The following CTNND2 variants were observed in gnomAD, a reference collection of about 807,000 sequenced individuals.
The protein encoded by CTNND2 is catenin delta-2.
CTNND2 carries 22 observed loss-of-function variants against 144.4 expected under a neutral mutation model. That is an observed-to-expected ratio of 0.15 (90% CI 0.11 to 0.22). The LOEUF (loss-of-function observed/expected upper bound fraction) is 0.22. Among genes scored for constraint, CTNND2 ranks in the 10% least tolerant of loss-of-function variants. The probability of loss-of-function intolerance (pLI) is 1.00; values close to 1 mark genes in which losing one functional copy is unlikely to be tolerated. For missense variants in CTNND2, 1,353 were observed against 1,618.8 expected, an observed-to-expected ratio of 0.84 and a Z score of 2.82; for synonymous variants, 751 against 695.6, an observed-to-expected ratio of 1.08 and a Z score of -1.25.
intron 2 of CTNND2, among the ~76,000 whole-genome samples, chr5:11,717,533 C>T (rs532464172): frequency 1.1e-4 from 16 of 148,990 alleles, no homozygotes; most frequent in African/African-American, 3.2e-4. Context: ...GCTGAGATCA[C>T]GCCACTGCAC....
At chr5:11,107,835 C>A (rs1033304089) in intron 14 of CTNND2, among the ~76,000 whole-genome samples, 1 of 146,430 alleles carries the variant, frequency 6.8e-6, no homozygotes, top group Non-Finnish European at 1.5e-5. Context: ...CAAAGTCTCA[C>A]CAGGAAAGAA....
At chr5:11,347,188 C>A (rs1754887813) in intron 8 of CTNND2, among the ~76,000 whole-genome samples, 1 of 152,160 alleles carries the variant, frequency 6.6e-6, no homozygotes, top group Non-Finnish European at 1.5e-5. Flanking sequence ...AACATTCAAT[C>A]CATGACTGCT....
chr5:10,985,360 A>G (rs1227552073), intron 20 of CTNND2, among the ~76,000 whole-genome samples: 2 of 152,190 alleles, frequency 1.3e-5, no homozygotes, highest in Non-Finnish European at 2.9e-5. Context: ...TGGATTTCTC[A>G]GGGCTCTCCA....
chr5:11,470,977 TA>T lies in CTNND2; in HGVS notation c.288-58909del, dbSNP rs1393602677. ...AAGTATATATATATATATATATATA[TA>T]TATTTTTTTTTTTTTTTTAGATGGA... On this transcript the variant is annotated intron_variant, in intron 3 of 21. Transcript: ENST00000304623. Among the ~76,000 whole-genome samples, 690 of 96,886 alleles carry T rather than the reference TA, an allele frequency of 7.1e-3. 13 individuals carry two copies. The highest frequency in any genetic ancestry group is 0.039 in the African/African-American group (654 of 16,840). 63.6% of individuals were successfully genotyped at this position (96,886 alleles called of 152,430 possible).
chr5:11,585,435 ATATT>A (rs1429969794), intron 2 of CTNND2, among the ~76,000 whole-genome samples: 1 of 151,866 alleles, frequency 6.6e-6, no homozygotes, highest in Non-Finnish European at 1.5e-5. Context: ...CTAACACACT[ATATT>A]TATTTATATA....
At chr5:11,843,121 T>C (rs1043098924) in intron 1 of CTNND2, among the ~76,000 whole-genome samples, 5 of 152,218 alleles carry the variant, frequency 3.3e-5, no homozygotes, top group Admixed American at 3.3e-4. Flanking sequence ...AGATCCATCA[T>C]TGAATAGGAC....
chr5:11,691,199 G>A (rs565741529), intron 2 of CTNND2, among the ~76,000 whole-genome samples: 49 of 152,004 alleles, frequency 3.2e-4, no homozygotes, highest in Non-Finnish European at 4.7e-4. Flanking sequence ...GGGCAACTCC[G>A]TCTCTACTAA....
intron 2 of CTNND2, among the ~76,000 whole-genome samples, chr5:11,604,582 C>T (rs1363849436): frequency 6.6e-6 from 1 of 152,142 alleles, no homozygotes; most frequent in East Asian, 1.9e-4. Context: ...TTTGTGTATA[C>T]AGTCCATATT....
Position 11,117,552 on chromosome 5 carries a change from G to A in CTNND2, c.2175C>T (p.Ala725=), listed in dbSNP as rs367616442. ...ATGCLRNVSS[A]GEEARRRMRE... ...TCATCCTTCTGCGGGCCTCCTCTCC[G>A]GCCGAACTAACATTCCTGCAAAGCA... The change falls in exon 13 of 22, where the codon GCC becomes GCT. Residue 725 remains alanine, a synonymous_variant. Transcript: ENST00000304623. The A allele has an allele frequency of 1.3e-5, 21 of 1,613,802 alleles. No homozygotes were observed. The highest frequency in any genetic ancestry group is 1.6e-4 in the Middle Eastern group (1 of 6,084).
chr5:11,056,412 C>T (rs957765660), intron 16 of CTNND2, among the ~76,000 whole-genome samples: 2 of 152,154 alleles, frequency 1.3e-5, no homozygotes, highest in Admixed American at 1.3e-4. Context: ...TGATGTGATA[C>T]ATATAGCTCA....
At chr5:11,062,643 A>C (rs1747125704) in intron 16 of CTNND2, among the ~76,000 whole-genome samples, 1 of 152,228 alleles carries the variant, frequency 6.6e-6, no homozygotes, top group Non-Finnish European at 1.5e-5. Flanking sequence ...CTATAGTTCC[A>C]CTGGGGGCAG....
Position 11,811,137 on chromosome 5 carries a change from G to GGT in CTNND2, c.38-78866_38-78865insAC, listed in dbSNP as rs1400946148. Among the ~76,000 whole-genome samples, 55 of 152,252 alleles carry GGT rather than the reference G, an allele frequency of 3.6e-4. 1 individual carries two copies. The East Asian group carries it at 9.1e-3, about 25-fold the overall frequency. ...AACCAGTCACTCAGGGTCTGTGAAA[G>GGT]ATGCTGAGGAAACTGAGGCCTGATG... On this transcript the variant is annotated intron_variant, in intron 1 of 21. Transcript: ENST00000304623.
intron 10 of CTNND2, among the ~76,000 whole-genome samples, chr5:11,200,919 T>TCTG (rs993778182): frequency 1.3e-4 from 19 of 146,050 alleles, no homozygotes; most frequent in African/African-American, 4.9e-4. Flanking sequence ...GACCTCGTGA[T>TCTG]CCGCCCGCCT....
intron 1 of CTNND2, among the ~76,000 whole-genome samples, chr5:11,752,879 G>C (rs1788706752): frequency 6.6e-6 from 1 of 151,752 alleles, no homozygotes; most frequent in Non-Finnish European, 1.5e-5. Context: ...AATTCTCATT[G>C]TAGAGATCTT....
intron 3 of CTNND2, among the ~76,000 whole-genome samples, chr5:11,540,240 A>G (rs1774602399): frequency 6.6e-6 from 1 of 151,978 alleles, no homozygotes; most frequent in Non-Finnish European, 1.5e-5. Flanking sequence ...GTTAACAGGA[A>G]TCTTTCTCTC....
At chr5:11,620,645 T>C (rs185456617) in intron 2 of CTNND2, among the ~76,000 whole-genome samples, 1,745 of 152,304 alleles carry the variant, frequency 0.011, 28 homozygotes, top group African/African-American at 0.041. Flanking sequence ...ATAGCAGTTG[T>C]CTCCTGGTCT....
At chr5:11,793,819 C>T (rs1199761158) in intron 1 of CTNND2, among the ~76,000 whole-genome samples, 5 of 152,244 alleles carry the variant, frequency 3.3e-5, no homozygotes, top group African/African-American at 1.2e-4. Context: ...CAACCAATCA[C>T]ATTGGCTTTT....
chr5:11,833,204 T>C (rs945617182), intron 1 of CTNND2, among the ~76,000 whole-genome samples: 1 of 152,208 alleles, frequency 6.6e-6, no homozygotes, highest in Non-Finnish European at 1.5e-5. Flanking sequence ...TTATTCATAA[T>C]AACTAATGAC....
At position 11,022,805 on chromosome 5, in the gene CTNND2, T is replaced by C; in HGVS notation, c.2963A>G (p.Glu988Gly). Reference protein sequence around the residue: ...AKALRDAGGIEKLVGISKSKG... With the variant: ...AKALRDAGGIGKLVGISKSKG... ...GCTTTTGGAGATGCCGACCAACTTC[T>C]CGATGCCACCGGCATCCCGTAAGGC... Residue 988 changes from glutamate (E) to glycine (G), a missense_variant, in exon 17 of 22, where the codon GAG becomes GGG. Physicochemically the swap from Glu to Gly is moderately conservative, Grantham distance 98. Around this residue, in one of 4 missense-constraint regions of CTNND2, gnomAD observed 459 missense variants for 674.3 expected, o/e 0.68. Transcript: ENST00000304623. 6.2e-7 allele frequency: 1 copy of C among 1,614,190 alleles called. No homozygotes were observed. Among genetic ancestry groups the C allele is most frequent in the Non-Finnish European group, 8.5e-7 (1 of 1,180,020 alleles).
Sources: allele counts gnomAD v4.1 joint callset (sites outside exome capture counted in the v4.1 genomes callset), GRCh38; gene constraint gnomAD v4.1.1; regional missense constraint gnomAD v4.1.1; transcripts MANE v1.5; gene names NCBI Gene and HGNC (gene_info 2026-07-23, HGNC 2026-07-21).